DLGAP2: variants seen among roughly 807,000 people sequenced by gnomAD.
The protein encoded by DLGAP2 is disks large-associated protein 2.
In DLGAP2, 26 loss-of-function variants were observed where a neutral mutation model predicts 100.3. The ratio of observed to expected loss-of-function variants is 0.26; its 90% CI spans 0.19 to 0.36. The LOEUF (loss-of-function observed/expected upper bound fraction) is 0.36. Among genes scored for constraint, DLGAP2 ranks in the 10% least tolerant of loss-of-function variants. The probability of loss-of-function intolerance (pLI) is 1.00; values close to 1 mark genes in which losing one functional copy is unlikely to be tolerated. For missense variants in DLGAP2, 1,858 were observed against 1,453.2 expected (o/e 1.28, Z -4.53); for synonymous variants, 886 against 630.1 (o/e 1.41, Z -6.08).
chr8:1,041,546 T>G (rs928881084), intron 2 of DLGAP2, among the ~76,000 whole-genome samples: 6 of 150,034 alleles, frequency 4.0e-5, no homozygotes, highest in Admixed American at 4.0e-4. Flanking sequence ...GGGTGAGTGT[T>G]CTCCGAACCC....
intron 3 of DLGAP2, among the ~76,000 whole-genome samples, chr8:1,361,153 C>A (rs1328587834): frequency 6.6e-6 from 1 of 152,188 alleles, no homozygotes; most frequent in African/African-American, 2.4e-5. Flanking sequence ...GGGGCCTCAC[C>A]ACACCAGATT....
At chr8:1,131,403 G>A (rs534977897) in intron 2 of DLGAP2, among the ~76,000 whole-genome samples, 6 of 152,296 alleles carry the variant, frequency 3.9e-5, no homozygotes, top group African/African-American at 2.4e-5. Context: ...CCTGGCTTGC[G>A]GGAGGCGCTT....
Position 1,515,644 on chromosome 8 carries a change from A to T in DLGAP2, c.172+14213A>T, listed in dbSNP as rs146186170. Among the ~76,000 whole-genome samples the T allele has an allele frequency of 1.0e-3, 156 of 152,234 alleles. 1 individual carries two copies. Among genetic ancestry groups the T allele is most frequent in the African/African-American group, 3.5e-3 (146 of 41,524 alleles). On this transcript the variant is annotated intron_variant, in intron 4 of 14. Transcript: ENST00000637795. ...CACATGCAGACACAAGCACACACACATGCAGACATGAAATATACACATACA... is the reference window on the plus strand; with the variant it reads ...CACATGCAGACACAAGCACACACACTTGCAGACATGAAATATACACATACA...
At chr8:1,165,056 T>A (rs1796987604) in intron 2 of DLGAP2, among the ~76,000 whole-genome samples, 1 of 151,698 alleles carries the variant, frequency 6.6e-6, no homozygotes, top group African/African-American at 2.4e-5. Context: ...GGCTAAAGAT[T>A]CTCCTCCCTC....
intron 5 of DLGAP2, among the ~76,000 whole-genome samples, chr8:1,554,740 T>A (rs1405134051): frequency 6.6e-6 from 1 of 152,050 alleles, no homozygotes; most frequent in Non-Finnish European, 1.5e-5. Flanking sequence ...GTTCCAGAAC[T>A]TGGCAAGCAG....
chr8:1,060,708 T>C (rs192749299), intron 2 of DLGAP2, among the ~76,000 whole-genome samples: 121 of 152,330 alleles, frequency 7.9e-4, no homozygotes, highest in African/African-American at 2.8e-3. Flanking sequence ...CTGGTGATGG[T>C]GGTGTCCTCA....
At chr8:1,057,878 C>A (rs1802930535) in intron 2 of DLGAP2, among the ~76,000 whole-genome samples, 3 of 152,120 alleles carry the variant, frequency 2.0e-5, no homozygotes, top group Admixed American at 2.0e-4. Flanking sequence ...AAAGAGGTTG[C>A]ATTTCTGGCT....
At chr8:1,128,102 C>T (rs112470550) in intron 2 of DLGAP2, among the ~76,000 whole-genome samples, 1 of 149,410 alleles carries the variant, frequency 6.7e-6, no homozygotes, top group Non-Finnish European at 1.5e-5. Context: ...ACCTGCTCCC[C>T]GTGTTGTGTT....
chr8:1,245,798 GA>G (rs1038489908), intron 2 of DLGAP2, among the ~76,000 whole-genome samples: 1 of 152,028 alleles, frequency 6.6e-6, no homozygotes, highest in East Asian at 1.9e-4. Context: ...AGTTTTCCAG[GA>G]AAAAAAGGGC....
At chr8:1,683,954 G>GTATATATATATATATA (rs59220880) in intron 12 of DLGAP2, among the ~76,000 whole-genome samples, 59 of 74,724 alleles carry the variant, frequency 7.9e-4, no homozygotes, top group Middle Eastern at 0.017. Context: ...ATATATGTGT[G>GTATATATATATATATA]TATATATATA....
chr8:974,895 G>A (rs1800124018), intron 2 of DLGAP2, among the ~76,000 whole-genome samples: 1 of 152,096 alleles, frequency 6.6e-6, no homozygotes, highest in Admixed American at 6.6e-5. Flanking sequence ...TACTATGAAT[G>A]AGAAAAGAAA....
intron 1 of DLGAP2, among the ~76,000 whole-genome samples, chr8:773,551 T>C (rs1269078900): frequency 1.4e-5 from 2 of 138,676 alleles, no homozygotes; most frequent in African/African-American, 5.3e-5. Context: ...CCTGTGTCCA[T>C]GTGATCTCAT....
At chr8:1,626,672 G>C in intron 6 of DLGAP2, 68 bp from the exon 7 acceptor site, 2 of 1,542,578 alleles carry the variant, frequency 1.3e-6, no homozygotes, top group Non-Finnish European at 1.8e-6. Flanking sequence ...GGGTTGGATG[G>C]TCATTCCCAC....
intron 3 of DLGAP2, among the ~76,000 whole-genome samples, chr8:1,413,344 A>T (rs1452887968): frequency 6.6e-6 from 1 of 152,246 alleles, no homozygotes; most frequent in Non-Finnish European, 1.5e-5. Context: ...GAAGAAAATG[A>T]ATTACTATTG....
intron 1 of DLGAP2, among the ~76,000 whole-genome samples, chr8:781,136 C>T (rs1821675811): frequency 6.6e-6 from 1 of 152,038 alleles, no homozygotes; most frequent in East Asian, 1.9e-4. Flanking sequence ...AGTCGTGCAT[C>T]TGTTAAGAAT....
intron 3 of DLGAP2, among the ~76,000 whole-genome samples, chr8:1,445,817 G>C (rs1479062980): frequency 6.6e-6 from 1 of 152,170 alleles, no homozygotes; most frequent in Non-Finnish European, 1.5e-5. Context: ...CTGTGGTTTT[G>C]ATTTGCATTT....
intron 3 of DLGAP2, among the ~76,000 whole-genome samples, chr8:1,343,592 C>A (rs865848085): frequency 1.3e-5 from 2 of 152,234 alleles, no homozygotes; most frequent in Admixed American, 1.3e-4. Context: ...CCAGAACTTT[C>A]TTGGAAATAT....
chr8:936,224 G>T (rs979416634), intron 2 of DLGAP2, among the ~76,000 whole-genome samples: 2 of 152,162 alleles, frequency 1.3e-5, no homozygotes, highest in African/African-American at 4.8e-5. Context: ...AGAGCCTAGA[G>T]GGCCAGAGCA....
In DLGAP2 at chr8:1,029,148, C is replaced by T. The variant is rs372746490; in HGVS notation, c.73+121182C>T. Among the ~76,000 whole-genome samples, 45 of 152,200 alleles carry T rather than the reference C, an allele frequency of 3.0e-4. 1 individual carries two copies. Among genetic ancestry groups the T allele is most frequent in the African/African-American group, 1.1e-3 (44 of 41,524 alleles). On this transcript the variant is annotated intron_variant, in intron 2 of 14. Transcript: ENST00000637795. The stretch of plus-strand genomic sequence containing the variant: ...AGCGTGGCCGGCCAGGTCCCCAGGG[C>T]GTGCCTGTGATCTTGAGTCTAGCAG...
Sources: gnomAD v4.1 joint callset for allele counts (sites outside exome capture counted in the v4.1 genomes callset) on GRCh38, gnomAD v4.1.1 for gene constraint, MANE v1.5 for transcripts, NCBI Gene and HGNC (gene_info 2026-07-23, HGNC 2026-07-21) for gene names.